The following STAU2 variants were observed in gnomAD, a reference collection of about 807,000 sequenced individuals.
STAU2 encodes double-stranded RNA-binding protein Staufen homolog 2.
Under a neutral mutation model 65.9 loss-of-function variants are expected in STAU2, and 20 were observed. The ratio of observed to expected loss-of-function variants is 0.30; its 90% CI spans 0.21 to 0.44. The LOEUF is 0.44. Ranked by LOEUF, STAU2 falls within the 20% of genes least tolerant of loss-of-function variation. The pLI is 1.00. For missense variants in STAU2, 558 were observed against 683.9 expected (o/e 0.82, Z 2.05); for synonymous variants, 232 against 233.9 (o/e 0.99, Z 0.07).
intron 13 of STAU2, among the ~76,000 whole-genome samples, chr8:73,434,152 G>T (rs958873995): frequency 6.6e-6 from 1 of 151,444 alleles, no homozygotes; most frequent in Admixed American, 6.6e-5. Flanking sequence ...AGGGACAAAG[G>T]GTCCAAGAAA....
chr8:73,677,322 A>C (rs748433479), intron 5 of STAU2, among the ~76,000 whole-genome samples: 1 of 152,230 alleles, frequency 6.6e-6, no homozygotes, highest in African/African-American at 2.4e-5. Flanking sequence ...AAATACATTC[A>C]TAACTATGAC....
At chr8:73,478,583 C>T (rs1224236703) in intron 13 of STAU2, among the ~76,000 whole-genome samples, 3 of 152,086 alleles carry the variant, frequency 2.0e-5, no homozygotes, top group Admixed American at 2.0e-4. Context: ...CACTTGATAG[C>T]TAGAGTTAGC....
At position 73,515,188 on chromosome 8, in the gene STAU2, G is replaced by A. The variant is rs558165569; in HGVS notation, c.1530+36824C>T. Among the ~76,000 whole-genome samples the A allele has an allele frequency of 4.6e-5, 7 of 152,274 alleles. No individual in the cohort carries two copies. In the South Asian group the frequency reaches 8.3e-4, roughly 18 times the overall value. The stretch of plus-strand genomic sequence containing the variant: ...AAAACAGAGTCCTGAAAACTGCTGG[G>A]CCAAATAATGACCTATTAGTTCCTA... On this transcript the variant is annotated intron_variant, in intron 13 of 14. Transcript: ENST00000524300.
At chr8:73,663,175 A>G (rs961429984) in intron 6 of STAU2, among the ~76,000 whole-genome samples, 6 of 152,232 alleles carry the variant, frequency 3.9e-5, no homozygotes, top group African/African-American at 1.4e-4. Flanking sequence ...ACACAAAAGC[A>G]GACTATAAAT....
At chr8:73,433,955 C>T (rs1016018037) in intron 13 of STAU2, among the ~76,000 whole-genome samples, 9 of 151,822 alleles carry the variant, frequency 5.9e-5, no homozygotes, top group African/African-American at 1.5e-4. Flanking sequence ...CAGATGCCCA[C>T]GTCCTAATCC....
intron 6 of STAU2, among the ~76,000 whole-genome samples, chr8:73,663,906 T>C (rs1239200463): frequency 6.6e-6 from 1 of 152,250 alleles, no homozygotes; most frequent in African/African-American, 2.4e-5. Context: ...AATTCACTTA[T>C]TCAGTAGCTT....
At chr8:73,541,244 A>C (rs1357865316) in intron 13 of STAU2, among the ~76,000 whole-genome samples, 1 of 148,812 alleles carries the variant, frequency 6.7e-6, no homozygotes. Flanking sequence ...GCCAGAAAGA[A>C]GAAAAGGCAA....
chr8:73,675,398 C>CAT (rs1421293662), intron 5 of STAU2: 15 of 151,932 alleles, frequency 9.9e-5, no homozygotes. Context: ...CACACACACA[C>CAT]ACACAGGCTC....
At chr8:73,689,665 C>T (rs916058644) in intron 4 of STAU2, among the ~76,000 whole-genome samples, 10 of 151,996 alleles carry the variant, frequency 6.6e-5, no homozygotes, top group African/African-American at 2.4e-4. Flanking sequence ...ACATGATATG[C>T]GCATAATTGG....
In STAU2 at chr8:73,688,722, G is replaced by C. The variant is rs768590143; in HGVS notation, c.206C>G (p.Ala69Gly). 1.2e-6 allele frequency: 2 copies of C among 1,614,156 alleles called. No individual in the cohort carries two copies. Among genetic ancestry groups the C allele is most frequent in the Non-Finnish European group, 1.7e-6 (2 of 1,180,042 alleles). Reference protein sequence around the residue: ...KKAQQAVANKALTESTLPKPV... With the variant: ...KKAQQAVANKGLTESTLPKPV... The stretch of plus-strand genomic sequence containing the variant: ...TTTGGGAAGCGTAGATTCAGTCAAA[G>C]CTTTATTGGCAACAGCCTGCTGAGC... Residue 69 changes from alanine (A) to glycine (G), a missense_variant, in exon 5 of 15, where the codon GCT (alanine) becomes GGT (glycine). Ala to Gly is a moderately conservative substitution (Grantham distance 60). Coordinates refer to ENST00000524300, the MANE Select transcript of STAU2 (RefSeq NM_001164380.2).
chr8:73,481,217 A>G (rs1820598335), intron 13 of STAU2, among the ~76,000 whole-genome samples: 1 of 152,008 alleles, frequency 6.6e-6, no homozygotes, highest in South Asian at 2.1e-4. Flanking sequence ...TTTTCTTTAT[A>G]ACTTCACCAC....
At chr8:73,712,369 CT>C (rs764131888) in intron 3 of STAU2, among the ~76,000 whole-genome samples, 145 of 152,276 alleles carry the variant, frequency 9.5e-4, no homozygotes, top group Non-Finnish European at 1.6e-3. Context: ...TTACTAATAT[CT>C]GTGTGACCTT....
chr8:73,637,476 GTAAA>G (rs1222341114), intron 6 of STAU2, among the ~76,000 whole-genome samples: 2 of 3,012 alleles, frequency 6.6e-4, no homozygotes, highest in Non-Finnish European at 1.4e-3. Flanking sequence ...AGTGCTGAAA[GTAAA>G]AAAAAAAAAA....
intron 9 of STAU2, among the ~76,000 whole-genome samples, chr8:73,611,253 T>C (rs1255527809): frequency 6.6e-6 from 1 of 152,202 alleles, no homozygotes; most frequent in Non-Finnish European, 1.5e-5. Flanking sequence ...ATTATACACA[T>C]GTTGTTCTCT....
chr8:73,669,274 A>G (rs1328096196), intron 6 of STAU2, among the ~76,000 whole-genome samples: 1 of 152,170 alleles, frequency 6.6e-6, no homozygotes, highest in African/African-American at 2.4e-5. Flanking sequence ...TCTGCAGAAT[A>G]TCATAAAATA....
At chr8:73,620,647 A>T (rs996641342) in intron 6 of STAU2, among the ~76,000 whole-genome samples, 1 of 152,246 alleles carries the variant, frequency 6.6e-6, no homozygotes, top group African/African-American at 2.4e-5. Flanking sequence ...ATGTGGATAT[A>T]TATGTATATA....
intron 6 of STAU2, chr8:73,651,140 G>T: frequency 7.7e-7 from 1 of 1,291,026 alleles, no homozygotes; most frequent in Non-Finnish European, 1.1e-6. Context: ...GTCTCCCTGG[G>T]GAGCCTCCCT....
chr8:73,649,869 T>TTTTA (rs1554555924), intron 6 of STAU2, among the ~76,000 whole-genome samples: 3 of 71,656 alleles, frequency 4.2e-5, no homozygotes, highest in Admixed American at 1.7e-4. Context: ...CTATATAATT[T>TTTTA]TATATATATA....
At chr8:73,426,602 G>A (rs901235689) in intron 13 of STAU2, among the ~76,000 whole-genome samples, 4 of 151,960 alleles carry the variant, frequency 2.6e-5, no homozygotes, top group African/African-American at 9.7e-5. Flanking sequence ...CTTCACATTC[G>A]CCCAGTTTCA....
Sources: gnomAD v4.1 joint callset for allele counts (sites outside exome capture counted in the v4.1 genomes callset) on GRCh38, gnomAD v4.1.1 for gene constraint, MANE v1.5 for transcripts, NCBI Gene and HGNC (gene_info 2026-07-23, HGNC 2026-07-21) for gene names.